MTSS1: variants seen among roughly 807,000 people sequenced by gnomAD.
MTSS1 encodes the protein MTSS I-BAR domain containing 1, also known as protein MTSS 1.
In MTSS1, 18 loss-of-function variants were observed where a neutral mutation model predicts 79.0. The observed-to-expected ratio is 0.23, with a 90% CI of 0.16 to 0.34. The LOEUF (loss-of-function observed/expected upper bound fraction) is 0.34. Ranked by LOEUF, MTSS1 falls within the 10% of genes least tolerant of loss-of-function variation. The pLI is 1.00. For missense variants in MTSS1, 815 were observed against 986.2 expected, an observed-to-expected ratio of 0.83 and a Z score of 2.33; for synonymous variants, 341 against 368.6, an observed-to-expected ratio of 0.93 and a Z score of 0.86.
chr8:124,631,484 G>C (rs746828643), intron 3 of MTSS1, among the ~76,000 whole-genome samples: 37 of 152,206 alleles, frequency 2.4e-4, no homozygotes, highest in African/African-American at 2.7e-4. Flanking sequence ...TGCCTCCTCA[G>C]AACTCTCCTT....
intron 1 of MTSS1, among the ~76,000 whole-genome samples, chr8:124,719,245 C>T (rs1430853): frequency 9.9e-5 from 15 of 152,020 alleles, no homozygotes; most frequent in Admixed American, 2.0e-4. Flanking sequence ...GGGAATTATA[C>T]TAGTTACTAA....
At chr8:124,693,779 A>G (rs1828338523) in intron 3 of MTSS1, among the ~76,000 whole-genome samples, 1 of 152,126 alleles carries the variant, frequency 6.6e-6, no homozygotes, top group Non-Finnish European at 1.5e-5. Context: ...TGCTTCCTCC[A>G]CTTCCTTTGT....
intron 1 of MTSS1, among the ~76,000 whole-genome samples, chr8:124,720,568 G>A (rs1564057109): frequency 6.6e-6 from 1 of 152,202 alleles, no homozygotes. Flanking sequence ...AAACAGTAGG[G>A]TTTGCAAATA....
At chr8:124,577,686 T>G (rs1829243079) in intron 6 of MTSS1, 1 of 510,274 alleles carries the variant, frequency 2.0e-6, no homozygotes, top group African/African-American at 1.9e-5. Flanking sequence ...ATTCTGTATT[T>G]CCTCATCAGC....
At chr8:124,652,865 C>T (rs1178398757) in intron 3 of MTSS1, among the ~76,000 whole-genome samples, 3 of 151,158 alleles carry the variant, frequency 2.0e-5, no homozygotes, top group Admixed American at 6.6e-5. Context: ...TCTGCTTTAA[C>T]GAATATCCAC....
intron 3 of MTSS1, among the ~76,000 whole-genome samples, chr8:124,663,552 C>A (rs1202524929): frequency 1.3e-5 from 2 of 151,964 alleles, no homozygotes; most frequent in Admixed American, 6.6e-5. Flanking sequence ...CGTCCCACCT[C>A]CCCTTTCTCC....
Position 124,727,227 on chromosome 8 carries a change from G to C in MTSS1, c.72+657C>G, listed in dbSNP as rs1004896370. On this transcript the variant is annotated intron_variant, in intron 1 of 13. Transcript: ENST00000518547. The surrounding 1 kb of genome is among the most constrained non-coding windows in gnomAD (Gnocchi z 4.7). ...TTCGGGGGCCCCAATCTTGCCTTTA[G>C]GCTCAGCTGGGAGAAGGCGGGGCCC... Among the ~76,000 whole-genome samples, 2 of 152,246 alleles carry C rather than the reference G, an allele frequency of 1.3e-5. No homozygotes were observed.
intron 3 of MTSS1, among the ~76,000 whole-genome samples, chr8:124,672,888 C>T (rs1439759298): frequency 6.6e-6 from 1 of 150,822 alleles, no homozygotes; most frequent in Non-Finnish European, 1.5e-5. Flanking sequence ...TACACACACA[C>T]ATGCACACAC....
At chr8:124,650,112 C>A (rs1819686653) in intron 3 of MTSS1, among the ~76,000 whole-genome samples, 1 of 151,818 alleles carries the variant, frequency 6.6e-6, no homozygotes, top group Admixed American at 6.6e-5. Context: ...CTCACTGCAA[C>A]CTCCGCCTCC....
chr8:124,629,505 C>CAAAAAAAAAAAAAAAAAA (rs982816199), intron 3 of MTSS1, among the ~76,000 whole-genome samples: 21 of 62,090 alleles, frequency 3.4e-4, no homozygotes, highest in South Asian at 6.1e-4. Flanking sequence ...GACTCCGTCT[C>CAAAAAAAAAAAAAAAAAA]AAAAAAAAAA....
chr8:124,556,201 C>A, intron 12 of MTSS1, 31 bp downstream of exon 12: 1 of 1,613,988 alleles, frequency 6.2e-7, no homozygotes. Flanking sequence ...CTGAGGTGGC[C>A]CCAACCAGCT....
intron 1 of MTSS1, among the ~76,000 whole-genome samples, chr8:124,719,068 A>C (rs373916271): frequency 1.4e-4 from 21 of 152,208 alleles, no homozygotes; most frequent in Admixed American, 3.3e-4. Context: ...AGAATCTAAA[A>C]TGCTAGGCTG....
intron 8 of MTSS1, 54 bp from the exon 9 acceptor site, chr8:124,565,813 C>A: frequency 7.0e-7 from 1 of 1,420,074 alleles, no homozygotes; most frequent in Middle Eastern, 2.1e-4. Context: ...GAAGCGTTAG[C>A]CATCAAAGCT....
intron 3 of MTSS1, among the ~76,000 whole-genome samples, chr8:124,633,860 C>T (rs1389241429): frequency 2.6e-5 from 4 of 151,732 alleles, no homozygotes; most frequent in East Asian, 1.9e-4. Flanking sequence ...AAATTTCTGA[C>T]GGTGGTTCTA....
intron 9 of MTSS1, chr8:124,564,804 AGT>A (rs948960342): frequency 9.2e-5 from 14 of 152,162 alleles, no homozygotes; most frequent in African/African-American, 3.4e-4. Flanking sequence ...CTTCCTGCTA[AGT>A]GTGTAGTGTA....
At chr8:124,635,520 G>A (rs1206536465) in intron 3 of MTSS1, among the ~76,000 whole-genome samples, 2 of 152,208 alleles carry the variant, frequency 1.3e-5, no homozygotes, top group African/African-American at 2.4e-5. Flanking sequence ...ATGCCGGAAC[G>A]CCTCTGTTCC....
At chr8:124,637,880 T>C (rs1407188017) in intron 3 of MTSS1, among the ~76,000 whole-genome samples, 1 of 152,226 alleles carries the variant, frequency 6.6e-6, no homozygotes, top group African/African-American at 2.4e-5. Context: ...TATGGGAACA[T>C]GAAAATAAAT....
chr8:124,672,364 T>C (rs1194063754), intron 3 of MTSS1, among the ~76,000 whole-genome samples: 3 of 152,000 alleles, frequency 2.0e-5, no homozygotes, highest in South Asian at 2.1e-4. Flanking sequence ...TGTGGTGGCA[T>C]GTGCCTACAA....
At position 124,727,594 on chromosome 8, in the gene MTSS1, G is replaced by A; in HGVS notation, c.72+290C>T. On this transcript the variant is annotated intron_variant, in intron 1 of 13. Transcript: ENST00000518547. The surrounding 1 kb of genome is among the most constrained non-coding windows in gnomAD (Gnocchi z 4.7). ...CAGACAATGGGAAAACTTGCAGCCAGTGCCTTGAGCCCCCGAGGGAAAGAA... is the reference window on the plus strand; with the variant it reads ...CAGACAATGGGAAAACTTGCAGCCAATGCCTTGAGCCCCCGAGGGAAAGAA... 1 of 583,218 alleles carries A rather than the reference G, an allele frequency of 1.7e-6. No individual in the cohort carries two copies. The highest frequency in any genetic ancestry group is 3.2e-6 in the Non-Finnish European group (1 of 308,680). 36.1% of individuals were successfully genotyped at this position (583,218 alleles called of 1,614,324 possible). A position where few individuals can be genotyped will look rare whatever the true frequency, so the allele number is the denominator to read the frequency against.
Sources: gnomAD v4.1 joint callset for allele counts (sites outside exome capture counted in the v4.1 genomes callset) on GRCh38, gnomAD v4.1.1 for gene constraint, Gnocchi (gnomAD v3.1) non-coding constraint, MANE v1.5 for transcripts, NCBI Gene and HGNC (gene_info 2026-07-23, HGNC 2026-07-21) for gene names.